RTL4: variants seen among roughly 807,000 people sequenced by gnomAD.
RTL4 encodes retrotransposon Gag-like protein 4.
In RTL4, 4 loss-of-function variants were observed where a neutral mutation model predicts 5.3. The ratio of observed to expected loss-of-function variants is 0.75; its 90% CI spans 0.37 to 1.72. The LOEUF is 1.72. Ranked by LOEUF, RTL4 falls within the 40% of genes most tolerant of loss-of-function variation. The pLI is 0.04. For synonymous variants in RTL4, 98 were observed against 87.3 expected, an observed-to-expected ratio of 1.12 and a Z score of -0.68; for missense variants, 260 against 227.1, an observed-to-expected ratio of 1.14 and a Z score of -0.93.
the RTL4 span, among the ~76,000 whole-genome samples, chrX:112,324,433 G>GT: frequency 4.5e-5 from 5 of 111,114 alleles, no homozygotes; most frequent in African/African-American, 6.5e-5. Context: ...ATGCTATATA[G>GT]TTTTTTTTGC....
chrX:112,359,950 T>TGGG, the RTL4 span, among the ~76,000 whole-genome samples: 2 of 111,590 alleles, frequency 1.8e-5, no homozygotes, highest in Admixed American at 9.5e-5. Context: ...TGTAGAAATA[T>TGGG]GGAAAGGCCC....
At chrX:112,141,253 A>G in the RTL4 span, among the ~76,000 whole-genome samples, 2 of 111,762 alleles carry the variant, frequency 1.8e-5, no homozygotes, top group South Asian at 7.4e-4. Flanking sequence ...CAGTTTTTAT[A>G]TTGATATTTT....
At chrX:112,393,111 A>G in the RTL4 span, among the ~76,000 whole-genome samples, 1 of 79,568 alleles carries the variant, frequency 1.3e-5, no homozygotes, top group Admixed American at 1.3e-4. Flanking sequence ...CAGTCTGACC[A>G]TTTTTCTTTT....
the RTL4 span, among the ~76,000 whole-genome samples, chrX:112,084,408 G>T: frequency 8.2e-5 from 9 of 110,225 alleles, no homozygotes; most frequent in Non-Finnish European, 1.7e-4. Flanking sequence ...TGTCTGGGGG[G>T]AAGGGAGTTG....
At chrX:112,409,488 G>A in the RTL4 span, among the ~76,000 whole-genome samples, 508 of 110,908 alleles carry the variant, frequency 4.6e-3, 2 homozygotes, top group African/African-American at 0.015. Flanking sequence ...TTGGGAGGCC[G>A]AGGTGGGTGG....
the RTL4 span, among the ~76,000 whole-genome samples, chrX:112,189,349 C>T: frequency 5.4e-5 from 6 of 111,954 alleles, no homozygotes; most frequent in African/African-American, 1.9e-4. Context: ...TTAAAAAGGG[C>T]ATTTATTTGA....
At chrX:112,289,177 G>A in the RTL4 span, among the ~76,000 whole-genome samples, 1 of 112,174 alleles carries the variant, frequency 8.9e-6, no homozygotes, top group Non-Finnish European at 1.9e-5. Context: ...GGAGGAAATG[G>A]TCAGGGTGCC....
chrX:112,112,093 A>T, the RTL4 span, among the ~76,000 whole-genome samples: 1 of 111,829 alleles, frequency 8.9e-6, no homozygotes, highest in Non-Finnish European at 1.9e-5. Flanking sequence ...TGACACTAAG[A>T]TGGCTACTGC....
At chrX:112,354,078 C>G in the RTL4 span, among the ~76,000 whole-genome samples, 2 of 110,906 alleles carry the variant, frequency 1.8e-5, no homozygotes, top group African/African-American at 6.6e-5. Flanking sequence ...GGACAATAGA[C>G]TAAGGTATGC....
At chrX:112,275,885 T>A in the RTL4 span, among the ~76,000 whole-genome samples, 1 of 111,983 alleles carries the variant, frequency 8.9e-6, no homozygotes, top group Non-Finnish European at 1.9e-5. Context: ...CAGTGTGCTA[T>A]GATCCCACCA....
the RTL4 span, among the ~76,000 whole-genome samples, chrX:112,149,806 T>C: frequency 9.0e-6 from 1 of 111,431 alleles, no homozygotes; most frequent in Non-Finnish European, 1.9e-5. Flanking sequence ...AAAAGAATAA[T>C]TACATTTCAG....
At chrX:112,342,154 T>G in the RTL4 span, among the ~76,000 whole-genome samples, 1 of 111,414 alleles carries the variant, frequency 9.0e-6, no homozygotes, top group Non-Finnish European at 1.9e-5. Context: ...ACACCTACTC[T>G]GGTTGAGTAT....
chrX:112,174,543 C>T, the RTL4 span, among the ~76,000 whole-genome samples: 1 of 105,891 alleles, frequency 9.4e-6, no homozygotes, highest in South Asian at 4.6e-4. Flanking sequence ...AATAAGCATA[C>T]ATGTGCATGT....
At chrX:112,213,878 A>G in the RTL4 span, among the ~76,000 whole-genome samples, 3 of 109,524 alleles carry the variant, frequency 2.7e-5, no homozygotes, top group Non-Finnish European at 5.7e-5. Flanking sequence ...ATTTATTCAC[A>G]TAAAAAGAGC....
the RTL4 span, among the ~76,000 whole-genome samples, chrX:112,446,395 C>A: frequency 1.8e-5 from 2 of 112,003 alleles, no homozygotes; most frequent in East Asian, 5.6e-4. Context: ...TCTCACTATT[C>A]TGGCTAAACC....
chrX:112,242,128 G>C, the RTL4 span, among the ~76,000 whole-genome samples: 1 of 111,294 alleles, frequency 9.0e-6, no homozygotes, highest in Admixed American at 9.6e-5. Flanking sequence ...GTCAGGTAGC[G>C]TGATGCCTCC....
the RTL4 span, among the ~76,000 whole-genome samples, chrX:112,235,559 T>C: frequency 1.8e-5 from 2 of 112,244 alleles, no homozygotes; most frequent in Non-Finnish European, 3.8e-5. Flanking sequence ...CAGCATCTGG[T>C]GGGATTGACC....
the RTL4 span, among the ~76,000 whole-genome samples, chrX:112,259,924 C>G: frequency 9.9e-5 from 11 of 111,638 alleles, no homozygotes; most frequent in African/African-American, 3.6e-4. Context: ...GAAATTTTGC[C>G]AAGGTGAACA....
At chrX:112,254,335 ATTTT>A in the RTL4 span, among the ~76,000 whole-genome samples, 1 of 102,968 alleles carries the variant, frequency 9.7e-6, no homozygotes, top group Non-Finnish European at 2.0e-5. Context: ...CTTCTTTTTA[ATTTT>A]TTTTTTTTTG....
Sources: gnomAD v4.1 joint callset for allele counts (sites outside exome capture counted in the v4.1 genomes callset) on GRCh38, gnomAD v4.1.1 for gene constraint, MANE v1.5 for transcripts, NCBI Gene and HGNC (gene_info 2026-07-23, HGNC 2026-07-21) for gene names.